The following B4GALT6 variants were observed in gnomAD, a reference collection of about 807,000 sequenced individuals.
B4GALT6 encodes the protein UDP-Gal:beta-GlcNAc beta-1,4-galactosyltransferase 6.
Under a neutral mutation model 46.3 loss-of-function variants are expected in B4GALT6, and 14 were observed. The ratio of observed to expected loss-of-function variants is 0.30; its 90% confidence interval spans 0.20 to 0.47. The LOEUF (loss-of-function observed/expected upper bound fraction) is 0.47. Among genes scored for constraint, B4GALT6 ranks in the 20% least tolerant of loss-of-function variants. B4GALT6 has a pLI of 0.99. For missense variants in B4GALT6, 386 were observed against 480.1 expected, an observed-to-expected ratio of 0.80 and a Z score of 1.83; for synonymous variants, 168 against 162.0, an observed-to-expected ratio of 1.04 and a Z score of -0.28.
intron 5 of B4GALT6, among the ~76,000 whole-genome samples, chr18:31,631,614 A>AG (rs1168239827): frequency 6.6e-6 from 1 of 152,100 alleles, no homozygotes; most frequent in Non-Finnish European, 1.5e-5. Flanking sequence ...ACTTGTGGCG[A>AG]GAAAAAAAAA....
At chr18:31,645,035 TCA>T (rs1305374796) in intron 4 of B4GALT6, among the ~76,000 whole-genome samples, 2 of 152,190 alleles carry the variant, frequency 1.3e-5, no homozygotes, top group Non-Finnish European at 2.9e-5. Flanking sequence ...GGCAGGGAAC[TCA>T]CAGCCTCTCT....
intron 1 of B4GALT6, 124 bp from the exon 2 acceptor site, chr18:31,666,496 C>A: frequency 5.0e-6 from 2 of 402,716 alleles, no homozygotes; most frequent in Admixed American, 4.4e-5. Context: ...CACGTCCAAA[C>A]GCAAAACAGA....
chr18:31,671,829 A>G (rs1196626509), intron 1 of B4GALT6, among the ~76,000 whole-genome samples: 1 of 152,176 alleles, frequency 6.6e-6, no homozygotes, highest in Non-Finnish European at 1.5e-5. Context: ...TTCATTTTCT[A>G]TTTGACTCTG....
At chr18:31,695,318 G>A in the B4GALT6 span, among the ~76,000 whole-genome samples, 1 of 151,486 alleles carries the variant, frequency 6.6e-6, no homozygotes, top group Non-Finnish European at 1.5e-5. Context: ...CTTCAAAGAT[G>A]CCAGAAAATG....
At chr18:31,627,527 C>T (rs146032980) in intron 6 of B4GALT6, among the ~76,000 whole-genome samples, 147 of 152,108 alleles carry the variant, frequency 9.7e-4, no homozygotes, top group Middle Eastern at 3.4e-3. Context: ...GAATTATAAA[C>T]GCATTATTTA....
At chr18:31,677,957 C>A (rs2074433534) in intron 1 of B4GALT6, among the ~76,000 whole-genome samples, 1 of 152,208 alleles carries the variant, frequency 6.6e-6, no homozygotes, top group Admixed American at 6.5e-5. Context: ...ACTCCTCACA[C>A]ATGTCTCACC....
At chr18:31,712,798 T>C in the B4GALT6 span, among the ~76,000 whole-genome samples, 1 of 152,210 alleles carries the variant, frequency 6.6e-6, no homozygotes, top group Non-Finnish European at 1.5e-5. Flanking sequence ...CTGGTTCCTT[T>C]CCAATTCCAA....
the B4GALT6 span, among the ~76,000 whole-genome samples, chr18:31,699,075 G>C: frequency 1.4e-4 from 19 of 138,640 alleles, no homozygotes; most frequent in African/African-American, 4.6e-4. Context: ...GCAAGACTCT[G>C]TCTCAAAAAA....
chr18:31,641,849 A>G (rs2073934308), intron 4 of B4GALT6, among the ~76,000 whole-genome samples: 1 of 152,214 alleles, frequency 6.6e-6, no homozygotes, highest in South Asian at 2.1e-4. Flanking sequence ...TGAGGAGAAC[A>G]TCAAGAAAAA....
chr18:31,677,736 A>G (rs1307707832), intron 1 of B4GALT6, among the ~76,000 whole-genome samples: 1 of 152,210 alleles, frequency 6.6e-6, no homozygotes. Flanking sequence ...CACGAAACAG[A>G]TTCAGAGGGA....
chr18:31,680,689 A>G (rs2074470037), intron 1 of B4GALT6, among the ~76,000 whole-genome samples: 1 of 152,232 alleles, frequency 6.6e-6, no homozygotes, highest in Admixed American at 6.5e-5. Flanking sequence ...CCCACTGATT[A>G]CAGGCACTAT....
At chr18:31,699,636 G>GAAA in the B4GALT6 span, among the ~76,000 whole-genome samples, 58 of 104,112 alleles carry the variant, frequency 5.6e-4, 2 homozygotes, top group East Asian at 0.012. Flanking sequence ...TCTCTTCCTG[G>GAAA]AAAAAAAAAA....
At chr18:31,659,465 G>A (rs760077731) in intron 2 of B4GALT6, among the ~76,000 whole-genome samples, 8 of 152,158 alleles carry the variant, frequency 5.3e-5, no homozygotes, top group Non-Finnish European at 8.8e-5. Flanking sequence ...GCCCTGCCAC[G>A]GCTGCTAAGC....
At chr18:31,719,700 G>C in the B4GALT6 span, among the ~76,000 whole-genome samples, 1 of 152,138 alleles carries the variant, frequency 6.6e-6, no homozygotes, top group Non-Finnish European at 1.5e-5. Context: ...ATAATTTGGC[G>C]AGTAGGGGTA....
At chr18:31,724,496 G>A in the B4GALT6 span, 1 of 1,011,048 alleles carries the variant, frequency 9.9e-7, no homozygotes, top group African/African-American at 1.7e-5. Flanking sequence ...TTGATTACCT[G>A]GGGTCTTCTG....
the B4GALT6 span, chr18:31,724,578 G>T: frequency 9.5e-7 from 1 of 1,057,114 alleles, no homozygotes; most frequent in South Asian, 3.4e-5. Flanking sequence ...TCCATTCTTG[G>T]ACACGGATTC....
At chr18:31,721,920 G>A in the B4GALT6 span, among the ~76,000 whole-genome samples, 2 of 151,470 alleles carry the variant, frequency 1.3e-5, no homozygotes, top group African/African-American at 4.9e-5. Context: ...GTGTATGTGG[G>A]TTCTGTTTCT....
chr18:31,721,950 A>G, the B4GALT6 span, among the ~76,000 whole-genome samples: 1 of 152,032 alleles, frequency 6.6e-6, no homozygotes, highest in Non-Finnish European at 1.5e-5. Flanking sequence ...CCTGATTGAT[A>G]CACTTGGCAG....
chr18:31,717,720 C>T, the B4GALT6 span, among the ~76,000 whole-genome samples: 1 of 151,828 alleles, frequency 6.6e-6, no homozygotes, highest in Non-Finnish European at 1.5e-5. Flanking sequence ...TTTGGGAGGC[C>T]GAGGCAGGCG....
Sources: allele counts gnomAD v4.1 joint callset (sites outside exome capture counted in the v4.1 genomes callset), GRCh38; gene constraint gnomAD v4.1.1; transcripts MANE v1.5; gene names NCBI Gene and HGNC (gene_info 2026-07-23, HGNC 2026-07-21).